Variants in CCDC40 observed in about 807,000 individuals in gnomAD.
CCDC40 encodes coiled-coil domain-containing protein 40.
A neutral mutation model predicts 124.5 loss-of-function variants in CCDC40; 104 were observed. The ratio of observed to expected loss-of-function variants is 0.84; its 90% CI spans 0.71 to 0.98. The LOEUF is 0.98. Ranked by LOEUF, CCDC40 falls within the 50% of genes least tolerant of loss-of-function variation. CCDC40 has a pLI of 0.00. For synonymous variants in CCDC40, 580 were observed against 602.9 expected (o/e 0.96, Z 0.56); for missense variants, 1,463 against 1,503.9 (o/e 0.97, Z 0.45).
intron 12 of CCDC40, 124 bp from the exon 13 acceptor site, chr17:80,084,611 CTGCACTCG>C (rs2038534583): frequency 9.3e-7 from 1 of 1,081,014 alleles, no homozygotes; most frequent in Non-Finnish European, 1.4e-6. Context: ...ATCCAGCCTC[CTGCACTCG>C]TGACTGTGCG....
intron 9 of CCDC40, among the ~76,000 whole-genome samples, chr17:80,062,965 C>T (rs1048552980): frequency 1.2e-4 from 18 of 152,134 alleles, no homozygotes; most frequent in Non-Finnish European, 2.2e-4. Flanking sequence ...AGACCGAGGT[C>T]GGCAGATCAC....
At chr17:80,075,209 G>A (rs557205798) in intron 10 of CCDC40, among the ~76,000 whole-genome samples, 3 of 147,410 alleles carry the variant, frequency 2.0e-5, no homozygotes, top group Non-Finnish European at 4.4e-5. Flanking sequence ...ACAGGCATGA[G>A]CCACCTCAGC....
chr17:80,085,885 G>T (rs1213193196), intron 13 of CCDC40, 118 bp from the exon 14 acceptor site: 1 of 902,108 alleles, frequency 1.1e-6, no homozygotes, highest in Non-Finnish European at 1.8e-6. Flanking sequence ...GGCCAGGCTG[G>T]TCTTGAACTC....
rs896496761 is a variant in CCDC40, at chr17:80,086,690, G to A, written c.2449+474G>A. 3 of 235,466 alleles carry A rather than the reference G, an allele frequency of 1.3e-5. No homozygotes were observed. The highest frequency in any genetic ancestry group is 1.2e-4 in the East Asian group (1 of 8,482). 14.6% of individuals were successfully genotyped at this position (235,466 alleles called of 1,614,324 possible). On this transcript the variant is annotated intron_variant, in intron 14 of 19. Coordinates refer to ENST00000397545, the MANE Select transcript of CCDC40 (RefSeq NM_017950.4). The surrounding 1 kb of genome is among the most constrained non-coding windows in gnomAD (Gnocchi z 5.5). ...CCAGGGTGCCTGGAATGATGGAGGC[G>A]GGCATCCTTCCTGGACCACTCTCCA...
chr17:80,086,404 C>T lies in CCDC40; in HGVS notation c.2449+188C>T, dbSNP rs372194659. 9 of 606,938 alleles carry T rather than the reference C, an allele frequency of 1.5e-5. No individual in the cohort carries two copies. In the East Asian group the frequency reaches 2.0e-4, roughly 14 times the overall value. 37.6% of individuals were successfully genotyped at this position (606,938 alleles called of 1,614,324 possible). ...CCACTGCCTGCCCAGCTGCCCAGTT[C>T]GCAGTCACAGCGGGAGGGTTGAGAA... is the stretch of plus-strand genomic sequence containing the variant. On this transcript the variant is annotated intron_variant, in intron 14 of 19. Coordinates refer to ENST00000397545, the MANE Select transcript of CCDC40 (RefSeq NM_017950.4). This position sits in a 1 kb window ranked among gnomAD's most constrained non-coding sequence, Gnocchi z 5.5.
chr17:80,038,791 C>T (rs1456008403), intron 2 of CCDC40, among the ~76,000 whole-genome samples: 1 of 152,010 alleles, frequency 6.6e-6, no homozygotes, highest in Non-Finnish European at 1.5e-5. Flanking sequence ...TGCCACTGCA[C>T]TCAGCCTGGC....
intron 7 of CCDC40, among the ~76,000 whole-genome samples, chr17:80,053,452 T>C (rs1206377233): frequency 6.6e-6 from 1 of 152,220 alleles, no homozygotes; most frequent in Non-Finnish European, 1.5e-5. Context: ...CCAGGCATTG[T>C]TTGTTTCTGG....
In CCDC40 at chr17:80,100,385, G is replaced by A. The variant is rs1313577877; in HGVS notation, c.*610G>A. 1 of 161,090 alleles carries A rather than the reference G, an allele frequency of 6.2e-6. No homozygotes were observed. Among genetic ancestry groups the A allele is most frequent in the Non-Finnish European group, 1.4e-5 (1 of 72,898 alleles). 10.0% of individuals were successfully genotyped at this position (161,090 alleles called of 1,614,324 possible). On this transcript the variant is annotated 3_prime_UTR_variant, in exon 20 of 20. Transcript: ENST00000397545. ...AGTGGCCCCAGACACACGTAACAGGGTGAGCACTGAAATAAGAGCACGCTG... is the reference window on the plus strand; with the variant it reads ...AGTGGCCCCAGACACACGTAACAGGATGAGCACTGAAATAAGAGCACGCTG...
chr17:80,057,717 A>G (rs1323287505), intron 7 of CCDC40, among the ~76,000 whole-genome samples: 1 of 152,060 alleles, frequency 6.6e-6, no homozygotes, highest in African/African-American at 2.4e-5. Flanking sequence ...TCTACTAAAA[A>G]TACAAAAAAT....
At position 80,087,798 on chromosome 17, in the gene CCDC40, C is replaced by A; in HGVS notation, c.2619+22C>A. 1 of 1,612,536 alleles carries A rather than the reference C, an allele frequency of 6.2e-7. No homozygotes were observed. ...GAAGGTCCGGCCGTGTCCACGCAGT[C>A]CCGGGGCTCAGGACGATGGAGGGCG... On this transcript the variant is annotated intron_variant, in intron 15 of 19. Coordinates refer to ENST00000397545, the MANE Select transcript of CCDC40 (RefSeq NM_017950.4). This position sits in a 1 kb window ranked among gnomAD's most constrained non-coding sequence, Gnocchi z 4.5.
chr17:80,099,065 G>A (rs1411026129), intron 19 of CCDC40, among the ~76,000 whole-genome samples: 4 of 150,626 alleles, frequency 2.7e-5, no homozygotes, highest in Non-Finnish European at 5.9e-5. Context: ...GGCGGATCAC[G>A]AGGTCAGGAG....
intron 10 of CCDC40, among the ~76,000 whole-genome samples, chr17:80,069,022 G>T (rs181018691): frequency 6.6e-6 from 1 of 152,126 alleles, no homozygotes; most frequent in Non-Finnish European, 1.5e-5. Flanking sequence ...GGTGTCCCGC[G>T]AGCAGCCCTC....
At chr17:80,083,705 C>T (rs2038513078) in intron 12 of CCDC40, among the ~76,000 whole-genome samples, 1 of 152,216 alleles carries the variant, frequency 6.6e-6, no homozygotes, top group African/African-American at 2.4e-5. Context: ...CTCGATAAAC[C>T]CCCCGTTGCC....
At chr17:80,070,767 G>A (rs1175091199) in intron 10 of CCDC40, among the ~76,000 whole-genome samples, 1 of 152,188 alleles carries the variant, frequency 6.6e-6, no homozygotes, top group Non-Finnish European at 1.5e-5. Context: ...GCCAGAGCCT[G>A]TCTCAAAAAA....
At chr17:80,042,913 C>G (rs2037319881) in intron 3 of CCDC40, among the ~76,000 whole-genome samples, 1 of 150,658 alleles carries the variant, frequency 6.6e-6, no homozygotes, top group Non-Finnish European at 1.5e-5. Context: ...AAATCCTTTT[C>G]TGTGTCTGTT....
intron 10 of CCDC40, chr17:80,067,411 T>C (rs904113280): frequency 2.2e-5 from 14 of 631,300 alleles, no homozygotes; most frequent in Non-Finnish European, 3.4e-5. Flanking sequence ...CAAGAAAGCA[T>C]ATGCGTTCAC....
At chr17:80,067,599 A>C in intron 10 of CCDC40, 2 of 1,536,222 alleles carry the variant, frequency 1.3e-6, no homozygotes, top group Admixed American at 2.0e-5. Flanking sequence ...TCTACGGGGA[A>C]GCTTCCTGCC....
chr17:80,044,579 G>T (rs1482527982), intron 3 of CCDC40, among the ~76,000 whole-genome samples: 2 of 151,848 alleles, frequency 1.3e-5, no homozygotes, highest in African/African-American at 2.4e-5. Flanking sequence ...AGCTACTTAG[G>T]AGGCTGAGGC....
At chr17:80,071,660 A>G (rs1272599869) in intron 10 of CCDC40, among the ~76,000 whole-genome samples, 1 of 152,110 alleles carries the variant, frequency 6.6e-6, no homozygotes, top group Non-Finnish European at 1.5e-5. Flanking sequence ...TCAGCACGGT[A>G]TTCAATAAAT....
Sources: gnomAD v4.1 joint callset for allele counts (sites outside exome capture counted in the v4.1 genomes callset) on GRCh38, gnomAD v4.1.1 for gene constraint, Gnocchi (gnomAD v3.1) non-coding constraint, MANE v1.5 for transcripts, NCBI Gene and HGNC (gene_info 2026-07-23, HGNC 2026-07-21) for gene names.